The following EPN1 variants were observed in gnomAD, a reference collection of about 807,000 sequenced individuals.
The protein encoded by EPN1 is epsin-1.
Under a neutral mutation model 56.9 loss-of-function variants are expected in EPN1, and 25 were observed. The observed-to-expected ratio is 0.44, with a 90% confidence interval of 0.32 to 0.61. EPN1 has a LOEUF of 0.61. Ranked by LOEUF, EPN1 falls within the 20% of genes least tolerant of loss-of-function variation. The probability of loss-of-function intolerance (pLI) is 0.05; values close to 1 mark genes in which losing one functional copy is unlikely to be tolerated. For missense variants in EPN1, 785 were observed against 823.7 expected, an observed-to-expected ratio of 0.95 and a Z score of 0.58; for synonymous variants, 411 against 361.8, an observed-to-expected ratio of 1.14 and a Z score of -1.54.
In EPN1 at chr19:55,685,398, C is replaced by T. The variant is rs140027326; in HGVS notation, c.231C>T (p.Ala77=). Residue 77 remains alanine (A), a splice_region_variant and synonymous_variant, in exon 3 of 11, where the codon GCC becomes GCT. Transcript: ENST00000270460. ...GGCATCCCCGTGCCCGCTCGCAGGC[C>T]ATGACGCTGATGGAGTACCTCATCA... is the stretch of plus-strand genomic sequence containing the variant. ...HGKNWRHVYK[A]MTLMEYLIKT... is the part of the protein sequence containing the mutation. 1.5e-5 allele frequency: 24 copies of T among 1,610,550 alleles called. No homozygotes were observed. The highest frequency in any genetic ancestry group is 1.9e-5 in the Non-Finnish European group (22 of 1,178,766).
In EPN1 at chr19:55,700,248, C is replaced by T. The variant is rs1383737264; in HGVS notation, c.*4892C>T. On this transcript the variant is annotated 3_prime_UTR_variant, in exon 11 of 11. Transcript: ENST00000270460. ...CATAAAGCACTATTTAATGACTGCT[C>T]CATAAATACAAACTTCCTTTCCTTA... is the stretch of plus-strand genomic sequence containing the variant. The T allele has an allele frequency of 1.4e-5, 2 of 147,902 alleles. No homozygotes were observed. Among genetic ancestry groups the T allele is most frequent in the Admixed American group, 6.7e-5 (1 of 14,934 alleles). The allele number at this position is 147,902 out of a possible 1,614,324, so 9.2% of individuals were successfully genotyped here.
chr19:55,677,548 A>G, intron 1 of EPN1: 2 of 1,496,546 alleles, frequency 1.3e-6, no homozygotes, highest in Non-Finnish European at 1.8e-6. Context: ...TTTAACTTCC[A>G]GGAGCCCAGT....
chr19:55,704,090 G>C lies in EPN1; in HGVS notation c.*8734G>C, dbSNP rs1987277554. 6.6e-6 allele frequency: 1 copy of C among 152,240 alleles called. No individual in the cohort carries two copies. The highest frequency in any genetic ancestry group is 2.1e-4 in the South Asian group (1 of 4,824). The allele number at this position is 152,240 out of a possible 1,614,324, so 9.4% of individuals were successfully genotyped here. On this transcript the variant is annotated 3_prime_UTR_variant, in exon 11 of 11. Coordinates refer to ENST00000270460, the MANE Select transcript of EPN1 (RefSeq NM_001130072.2). ...ACAGTCGCTCTCACACGTACCTCTC[G>C]CGGGCTCTTACTCGTGGTCCCGGTC...
chr19:55,704,892 C>G lies in EPN1; in HGVS notation c.*9536C>G, dbSNP rs1025165736. The G allele has an allele frequency of 3.9e-5, 6 of 152,370 alleles. No homozygotes were observed. Among genetic ancestry groups the G allele is most frequent in the African/African-American group, 1.4e-4 (6 of 41,456 alleles). The allele number at this position is 152,370 out of a possible 1,614,324, so 9.4% of individuals were successfully genotyped here. A position where few individuals can be genotyped will look rare whatever the true frequency, so the allele number is the denominator to read the frequency against. On this transcript the variant is annotated 3_prime_UTR_variant, in exon 11 of 11. Transcript: ENST00000270460. ...CTGGGAAATAAGCATCGCAAGTGAT[C>G]CGTAGAATGGTAGACATCATCCACT...
chr19:55,678,593 G>A lies in EPN1; in HGVS notation c.-35G>A, dbSNP rs760956596. 31 of 1,580,904 alleles carry A rather than the reference G, an allele frequency of 2.0e-5. No homozygotes were observed. In the South Asian group the frequency reaches 3.0e-4, roughly 15 times the overall value. The stretch of plus-strand genomic sequence containing the variant: ...AGTCGCCCCATCTCTCCACGCATCG[G>A]GGCCCTGTGCCCCTTGCTGCTGCAG... On this transcript the variant is annotated 5_prime_UTR_variant, in exon 2 of 11. Transcript: ENST00000270460.
chr19:55,694,889 G>T lies in EPN1; in HGVS notation c.1428G>T (p.Gly476=), dbSNP rs779027311. The stretch of plus-strand genomic sequence containing the variant: ...GGAAGACGCCGGAGTCATTCCTGGG[G>T]CCCAATGCAGCCCTCGTCGACCTGG... ...PTRKTPESFL[G]PNAALVDLDS... is the part of the protein sequence containing the mutation. The change falls in exon 10 of 11, where the codon GGG becomes GGT. Residue 476 remains glycine, a synonymous_variant. Transcript: ENST00000270460. The surrounding 1 kb of genome is among the most constrained non-coding windows in gnomAD (Gnocchi z 4.2). 1.9e-6 allele frequency: 3 copies of T among 1,598,158 alleles called. No individual in the cohort carries two copies. Among genetic ancestry groups the T allele is most frequent in the Non-Finnish European group, 2.6e-6 (3 of 1,172,780 alleles).
Position 55,689,427 on chromosome 19 carries a change from CGTCGCCCCTTCCTAA to C in EPN1, c.678+60_678+74del. The C allele has an allele frequency of 7.2e-7, 1 of 1,381,924 alleles. No homozygotes were observed. Among genetic ancestry groups the C allele is most frequent in the Non-Finnish European group, 1.0e-6 (1 of 994,318 alleles). 85.6% of individuals were successfully genotyped at this position (1,381,924 alleles called of 1,614,324 possible). A position where few individuals can be genotyped will look rare whatever the true frequency, so the allele number is the denominator to read the frequency against. ...CCAGGGGCTCCCCTCAGACCAGCCC[CGTCGCCCCTTCCTAA>C]GTCACCCCCCACCATCCTGCTGGGC... On this transcript the variant is annotated intron_variant, in intron 5 of 10. Transcript: ENST00000270460. The surrounding 1 kb of genome is among the most constrained non-coding windows in gnomAD (Gnocchi z 5.7).
Position 55,695,801 on chromosome 19 carries a change from C to T in EPN1, c.*445C>T, listed in dbSNP as rs1986884804. 1 of 162,354 alleles carries T rather than the reference C, an allele frequency of 6.2e-6. No individual in the cohort carries two copies. The highest frequency in any genetic ancestry group is 1.3e-5 in the Non-Finnish European group (1 of 74,800). 10.1% of individuals were successfully genotyped at this position (162,354 alleles called of 1,614,324 possible). The stretch of plus-strand genomic sequence containing the variant: ...TTCCCATCTGTGATTTCGTGTGTCC[C>T]CCAGAGCCCCTTCATCCAGGGACCC... On this transcript the variant is annotated 3_prime_UTR_variant, in exon 11 of 11. Coordinates refer to ENST00000270460, the MANE Select transcript of EPN1 (RefSeq NM_001130072.2). The surrounding 1 kb of genome is among the most constrained non-coding windows in gnomAD (Gnocchi z 4.4).
chr19:55,694,982 C>T lies in EPN1; in HGVS notation c.1521C>T (p.Gly507=), dbSNP rs375916133. 3.7e-5 allele frequency: 58 copies of T among 1,556,160 alleles called. No individual in the cohort carries two copies. Among genetic ancestry groups the T allele is most frequent in the African/African-American group, 1.2e-4 (9 of 73,338 alleles). Residue 507 remains glycine (G), a splice_region_variant and synonymous_variant, in exon 10 of 11, where the codon GGC becomes GGT. Coordinates refer to ENST00000270460, the MANE Select transcript of EPN1 (RefSeq NM_001130072.2). The surrounding 1 kb of genome is among the most constrained non-coding windows in gnomAD (Gnocchi z 4.2). ...AGGCCTCCAACCCCTTCCTGCCAGG[C>T]GGTGAGTGTGGGCCCATCACCTGCT... ...GAKASNPFLP[G]GGPATGPSVT...
intron 2 of EPN1, among the ~76,000 whole-genome samples, chr19:55,682,818 A>ACCACCT (rs59279211): frequency 0.14 from 21,848 of 151,556 alleles, 2,571 homozygotes; most frequent in African/African-American, 0.31. Context: ...GTGCAGTGGC[A>ACCACCT]CCACCTCGGC....
intron 7 of EPN1, 82 bp downstream of exon 7, chr19:55,692,139 G>A: frequency 7.6e-7 from 1 of 1,321,954 alleles, no homozygotes; most frequent in Non-Finnish European, 9.8e-7. Context: ...GACAGGGACA[G>A]ATCGAGCCAG....
rs145418878 is a variant in EPN1 at position 55,698,822 on chromosome 19, C to T, written c.*3466C>T. Reference sequence around the variant, plus strand: ...GTGCAGTGGCACGATCTCGGCTCACCGCAACCTCCACCTCCCGGGTTCAAG... The same window carrying T: ...GTGCAGTGGCACGATCTCGGCTCACTGCAACCTCCACCTCCCGGGTTCAAG... On this transcript the variant is annotated 3_prime_UTR_variant, in exon 11 of 11. Transcript: ENST00000270460. 0.039 allele frequency: 5,895 copies of T among 152,498 alleles called. 151 individuals are homozygous for T. The highest frequency in any genetic ancestry group is 0.099 in the South Asian group (477 of 4,834). 9.4% of individuals were successfully genotyped at this position (152,498 alleles called of 1,614,324 possible).
At chr19:55,687,081 G>GT in intron 3 of EPN1, among the ~76,000 whole-genome samples, 1 of 152,190 alleles carries the variant, frequency 6.6e-6, no homozygotes, top group Non-Finnish European at 1.5e-5. Flanking sequence ...ATTTTATGTA[G>GT]TTTTCACGTG....
chr19:55,685,378 C>T lies in EPN1; in HGVS notation c.229-18C>T, dbSNP rs1192636228. 6.2e-7 allele frequency: 1 copy of T among 1,605,668 alleles called. No individual in the cohort carries two copies. The highest frequency in any genetic ancestry group is 8.5e-7 in the Non-Finnish European group (1 of 1,176,710). The stretch of plus-strand genomic sequence containing the variant: ...TGTGCCCGGCGTGCTGACCGGGCAT[C>T]CCCGTGCCCGCTCGCAGGCCATGAC... On this transcript the variant is annotated intron_variant, in intron 2 of 10. Transcript: ENST00000270460.
chr19:55,699,908 A>G lies in EPN1; in HGVS notation c.*4552A>G, dbSNP rs551531132. On this transcript the variant is annotated 3_prime_UTR_variant, in exon 11 of 11. Coordinates refer to ENST00000270460, the MANE Select transcript of EPN1 (RefSeq NM_001130072.2). The stretch of plus-strand genomic sequence containing the variant: ...CCACATTATTTTAGTATGGATATTT[A>G]TAATTTCCTAAAGCACTATTTTTTT... 3 of 152,090 alleles carry G rather than the reference A, an allele frequency of 2.0e-5. No individual in the cohort carries two copies. The highest frequency in any genetic ancestry group is 4.8e-5 in the African/African-American group (2 of 41,506). The allele number at this position is 152,090 out of a possible 1,614,324, so 9.4% of individuals were successfully genotyped here. A position where few individuals can be genotyped will look rare whatever the true frequency, so the allele number is the denominator to read the frequency against.
chr19:55,708,321 T>C lies in EPN1; in HGVS notation c.*12965T>C, dbSNP rs774326041. The C allele has an allele frequency of 2.0e-5, 3 of 152,238 alleles. No homozygotes were observed. Among genetic ancestry groups the C allele is most frequent in the Non-Finnish European group, 4.4e-5 (3 of 68,042 alleles). The allele number at this position is 152,238 out of a possible 1,614,324, so 9.4% of individuals were successfully genotyped here. On this transcript the variant is annotated 3_prime_UTR_variant, in exon 11 of 11. Coordinates refer to ENST00000270460, the MANE Select transcript of EPN1 (RefSeq NM_001130072.2). ...TAGGGAACTAGGGAATGTTTAATTA[T>C]GACAATGAAGTGTTTAATATTGTGT...
At chr19:55,680,004 G>T (rs1985705034) in intron 2 of EPN1, among the ~76,000 whole-genome samples, 1 of 152,198 alleles carries the variant, frequency 6.6e-6, no homozygotes, top group Admixed American at 6.5e-5. Context: ...AGTGGCTGGG[G>T]TGATGCTGCT....
In EPN1 at chr19:55,695,319, GC is replaced by G; in HGVS notation, c.1700del (p.Pro567ArgfsTer34). On this transcript the variant is annotated frameshift_variant, in exon 11 of 11. Transcript: ENST00000270460. LOFTEE classifies it high-confidence loss of function. This position sits in a 1 kb window ranked among gnomAD's most constrained non-coding sequence, Gnocchi z 4.4. ...GGCCTGCCCCCCATGATGCCCCCGGGCCCCCCGGCCCCCAACACTAATCCCT... is the reference window on the plus strand; with the variant it reads ...GGCCTGCCCCCCATGATGCCCCCGGGCCCCCGGCCCCCAACACTAATCCCT... ...GPGLPPMMPP[G>X]PPAPNTNPFL... 16 of 1,535,096 alleles carry G rather than the reference GC, an allele frequency of 1.0e-5. No homozygotes were observed. Among genetic ancestry groups the G allele is most frequent in the South Asian group, 2.4e-5 (2 of 84,162 alleles).
rs969737523 is a variant in EPN1, at chr19:55,691,234, G to T, written c.763-520G>T. On this transcript the variant is annotated intron_variant, in intron 6 of 10. Transcript: ENST00000270460. The surrounding 1 kb of genome is among the most constrained non-coding windows in gnomAD (Gnocchi z 5.6). The stretch of plus-strand genomic sequence containing the variant: ...GCCTGCAGCGCGATGACTGCGGGGT[G>T]ACGGCGGGGCAACGTAGGGGGCATC... Among the ~76,000 whole-genome samples the T allele has an allele frequency of 2.0e-5, 3 of 152,154 alleles. No homozygotes were observed. The highest frequency in any genetic ancestry group is 2.0e-4 in the Admixed American group (3 of 15,282).
Sources: allele counts gnomAD v4.1 joint callset (sites outside exome capture counted in the v4.1 genomes callset), GRCh38; gene constraint gnomAD v4.1.1; non-coding constraint Gnocchi (gnomAD v3.1); transcripts MANE v1.5; gene names NCBI Gene and HGNC (gene_info 2026-07-23, HGNC 2026-07-21).